Variants in MID2 observed in about 807,000 individuals in gnomAD.
MID2 encodes probable E3 ubiquitin-protein ligase MID2.
In MID2, 13 loss-of-function variants were observed where a neutral mutation model predicts 46.1. The observed-to-expected ratio is 0.28, with a 90% confidence interval of 0.18 to 0.45. The LOEUF is 0.45. Among genes scored for constraint, MID2 ranks in the 20% least tolerant of loss-of-function variants. The probability of loss-of-function intolerance (pLI) is 1.00; values close to 1 mark genes in which losing one functional copy is unlikely to be tolerated. For missense variants in MID2, 431 were observed against 575.4 expected, an observed-to-expected ratio of 0.75 and a Z score of 2.57; for synonymous variants, 199 against 212.3, an observed-to-expected ratio of 0.94 and a Z score of 0.55.
intron 8 of MID2, among the ~76,000 whole-genome samples, chrX:107,924,901 G>T (rs978311164): frequency 2.2e-4 from 25 of 112,442 alleles, no homozygotes; most frequent in African/African-American, 7.1e-4. Context: ...AATAGCGTTT[G>T]TTAATTGTTT....
chrX:107,852,158 C>T (rs1449391590), intron 2 of MID2, among the ~76,000 whole-genome samples: 1 of 111,938 alleles, frequency 8.9e-6, no homozygotes, highest in Admixed American at 9.5e-5. Flanking sequence ...TCCCAAAGTG[C>T]TGGGATTACA....
At chrX:107,845,519 A>ACTCTCTCT (rs1462079221) in intron 2 of MID2, among the ~76,000 whole-genome samples, 19 of 82,111 alleles carry the variant, frequency 2.3e-4, no homozygotes, top group East Asian at 2.1e-3. Flanking sequence ...ACACACACAC[A>ACTCTCTCT]CACACACTCT....
chrX:107,897,696 T>C (rs1932757475), intron 3 of MID2, among the ~76,000 whole-genome samples: 2 of 111,421 alleles, frequency 1.8e-5, no homozygotes, highest in Non-Finnish European at 3.8e-5. Context: ...TGTGTGTATG[T>C]GTGTGCGTGT....
At chrX:107,867,307 C>T (rs1410822630) in intron 3 of MID2, among the ~76,000 whole-genome samples, 1 of 105,197 alleles carries the variant, frequency 9.5e-6, no homozygotes, top group Non-Finnish European at 1.9e-5. Context: ...TGTGCCGCCA[C>T]GCCCAGCTAA....
chrX:107,866,422 AACACAC>A (rs57100746), intron 3 of MID2, among the ~76,000 whole-genome samples: 32,835 of 80,671 alleles, frequency 0.41, 6,152 homozygotes, highest in South Asian at 0.48. Context: ...AGCCACTGAA[AACACAC>A]ACACACACAC....
chrX:107,839,871 C>G (rs1269985896), intron 1 of MID2, among the ~76,000 whole-genome samples: 1 of 112,163 alleles, frequency 8.9e-6, no homozygotes, highest in African/African-American at 3.2e-5. Flanking sequence ...CAAACTGAAG[C>G]CACAAGGCAA....
At chrX:107,854,897 C>T (rs112588284) in intron 3 of MID2, among the ~76,000 whole-genome samples, 193 bp downstream of exon 3, 3,427 of 111,587 alleles carry the variant, frequency 0.031, 121 homozygotes, top group African/African-American at 0.11. Flanking sequence ...AAAGAATAGA[C>T]GGTGATGATG....
intron 5 of MID2, among the ~76,000 whole-genome samples, chrX:107,913,553 T>C (rs1029650473): frequency 1.8e-5 from 2 of 112,523 alleles, no homozygotes. Context: ...ACTATAGGCA[T>C]AAAAGCTCCT....
intron 2 of MID2, among the ~76,000 whole-genome samples, chrX:107,851,676 CAACAAA>C (rs1450926400): frequency 9.1e-6 from 1 of 109,990 alleles, no homozygotes; most frequent in African/African-American, 3.3e-5. Context: ...ACAACAACAA[CAACAAA>C]AACAAACAAA....
intron 3 of MID2, among the ~76,000 whole-genome samples, chrX:107,870,616 A>G (rs751896116): frequency 9.0e-6 from 1 of 111,288 alleles, no homozygotes; most frequent in East Asian, 2.8e-4. Context: ...TATCTCTCCA[A>G]TGGTGTGCTG....
chrX:107,861,943 G>A (rs1602470794), intron 3 of MID2, among the ~76,000 whole-genome samples: 1 of 112,022 alleles, frequency 8.9e-6, no homozygotes, highest in East Asian at 2.8e-4. Context: ...AGTGTGCTGT[G>A]ACAGCTTTGG....
chrX:107,835,229 G>A (rs1931177474), intron 1 of MID2, among the ~76,000 whole-genome samples: 1 of 112,362 alleles, frequency 8.9e-6, no homozygotes, highest in Non-Finnish European at 1.9e-5. Context: ...TTATAGCCAA[G>A]TAATATTCCA....
At chrX:107,887,830 A>G (rs1932496969) in intron 3 of MID2, among the ~76,000 whole-genome samples, 1 of 111,589 alleles carries the variant, frequency 9.0e-6, no homozygotes, top group Non-Finnish European at 1.9e-5. Flanking sequence ...CAGAGATTCA[A>G]CTTCTTCCTG....
At chrX:107,836,749 T>G (rs753706053) in intron 1 of MID2, among the ~76,000 whole-genome samples, 1 of 111,107 alleles carries the variant, frequency 9.0e-6, no homozygotes, top group Admixed American at 9.6e-5. Context: ...TAGAGATGAT[T>G]GAACACGTCT....
intron 1 of MID2, 53 bp downstream of exon 1, chrX:107,826,483 C>T: frequency 9.0e-7 from 1 of 1,109,377 alleles, no homozygotes; most frequent in South Asian, 2.1e-5. Flanking sequence ...GTAGCCCTCG[C>T]AGGGCTAGTC....
chrX:107,917,448 T>C, intron 6 of MID2, 58 bp from the exon 7 acceptor site: 1 of 950,851 alleles, frequency 1.1e-6, no homozygotes, highest in Non-Finnish European at 1.5e-6. Context: ...GTAACAATTG[T>C]AAAATTCCAG....
intron 5 of MID2, among the ~76,000 whole-genome samples, chrX:107,907,139 A>G (rs1203764861): frequency 1.8e-5 from 2 of 112,012 alleles, no homozygotes; most frequent in Non-Finnish European, 3.8e-5. Flanking sequence ...TTCCATTCCT[A>G]TATTTGAGTT....
chrX:107,837,343 G>A (rs1931230190), intron 1 of MID2, among the ~76,000 whole-genome samples: 1 of 111,302 alleles, frequency 9.0e-6, no homozygotes, highest in Admixed American at 9.6e-5. Context: ...ACCAACCCAG[G>A]TAGCTTCCAA....
At position 107,840,738 on chromosome X, in the gene MID2, G is replaced by C. The variant is rs1407375667; in HGVS notation, c.73G>C (p.Glu25Gln). Reference sequence around the variant, plus strand: ...ATTTTCACTAAAGATGGAAACACTGGAGTCTGAATTGACCTGTCCAATCTG... The same window carrying C: ...ATTTTCACTAAAGATGGAAACACTGCAGTCTGAATTGACCTGTCCAATCTG... Reference protein sequence around the residue: ...GLFSLKMETLESELTCPICLE... With the variant: ...GLFSLKMETLQSELTCPICLE... Residue 25 changes from glutamate to glutamine, a missense_variant, in exon 2 of 10, where the codon GAG becomes CAG. Physicochemically the swap from Glu to Gln is conservative, Grantham distance 29. Transcript: ENST00000262843. The C allele has an allele frequency of 8.3e-7, 1 of 1,211,573 alleles. No homozygotes were observed. The highest frequency in any genetic ancestry group is 1.7e-5 in the African/African-American group (1 of 57,734).
Sources: allele counts gnomAD v4.1 joint callset (sites outside exome capture counted in the v4.1 genomes callset), GRCh38; gene constraint gnomAD v4.1.1; transcripts MANE v1.5; gene names NCBI Gene and HGNC (gene_info 2026-07-23, HGNC 2026-07-21).